MIB2: variants seen among roughly 807,000 people sequenced by gnomAD.
MIB2 encodes E3 ubiquitin-protein ligase MIB2.
Under a neutral mutation model 96.6 loss-of-function variants are expected in MIB2, and 78 were observed. That is an observed-to-expected ratio of 0.81 (90% confidence interval 0.67 to 0.97). The LOEUF (loss-of-function observed/expected upper bound fraction) is 0.97, where lower values mean the gene tolerates loss of function less well. Ranked by LOEUF, MIB2 falls within the 50% of genes least tolerant of loss-of-function variation. MIB2 has a pLI of 0.00. For synonymous variants in MIB2, 820 were observed against 629.5 expected (o/e 1.30, Z -4.53); for missense variants, 1,543 against 1,424.0 (o/e 1.08, Z -1.35).
rs1449578118 is a variant in MIB2 at position 1,628,686 on chromosome 1, C to G, written c.2166C>G (p.Ala722=). ...HQLLPLVADG[A]GGDPGPLQLL... is the part of the protein sequence containing the mutation. ...TGCTGCCCCTGGTGGCTGATGGGGC[C>G]GGGGGGGACCCAGGGCCCTTGCAGC... is the stretch of plus-strand genomic sequence containing the variant. Residue 722 remains alanine, a synonymous_variant, in exon 16 of 20, where the codon GCC becomes GCG. Coordinates refer to ENST00000355826, the MANE Select transcript of MIB2 (RefSeq NM_001170687.4). 1.9e-6 allele frequency: 3 copies of G among 1,570,014 alleles called. No individual in the cohort carries two copies. Among genetic ancestry groups the G allele is most frequent in the Non-Finnish European group, 2.6e-6 (3 of 1,159,762 alleles).
chr1:1,626,768 C>T lies in MIB2; in HGVS notation c.1077+14C>T. ...GACATGGCCCCTGTGAGTCCCCCTG[C>T]CACCCCCGCCGCTAGCGCCGCTGCC... On this transcript the variant is annotated intron_variant, in intron 9 of 19. Transcript: ENST00000355826. This position sits in a 1 kb window ranked among gnomAD's most constrained non-coding sequence, Gnocchi z 5.3. 1 of 1,547,794 alleles carries T rather than the reference C, an allele frequency of 6.5e-7. No individual in the cohort carries two copies. The highest frequency in any genetic ancestry group is 8.7e-7 in the Non-Finnish European group (1 of 1,149,046).
chr1:1,627,284 C>G lies in MIB2; in HGVS notation c.1375-12C>G, dbSNP rs1644880367. 1 of 1,613,084 alleles carries G rather than the reference C, an allele frequency of 6.2e-7. No individual in the cohort carries two copies. The highest frequency in any genetic ancestry group is 1.3e-5 in the African/African-American group (1 of 74,924). ...AGAGGGCCAGGGACTCACCTGCTGG[C>G]ACTCTTGGCAGGTGGACACCAAGAA... is the stretch of plus-strand genomic sequence containing the variant. On this transcript the variant is annotated splice_polypyrimidine_tract_variant and intron_variant, in intron 11 of 19. Transcript: ENST00000355826.
In MIB2 at chr1:1,630,308, G is replaced by T; in HGVS notation, c.2646G>T (p.Ala882=). Residue 882 remains alanine (A), a synonymous_variant, in exon 20 of 20, where the codon GCG becomes GCT. Transcript: ENST00000355826. The part of the protein sequence containing the change: ...KKLRPDGSEV[A]SAAPAPGPPR... ...ACCCCGCAGACGGCTCTGAGGTGGC[G>T]AGCGCCGCCCCCGCCCCCGGCCCGC... 1.3e-6 allele frequency: 2 copies of T among 1,519,400 alleles called. No individual in the cohort carries two copies. The highest frequency in any genetic ancestry group is 8.8e-7 in the Non-Finnish European group (1 of 1,140,964). 94.1% of individuals were successfully genotyped at this position (1,519,400 alleles called of 1,614,324 possible).
chr1:1,628,349 C>T lies in MIB2; in HGVS notation c.1918C>T (p.Leu640=), dbSNP rs1645014744. ...GGAGGACGGCTTCACGGCGCTGCAT[C>T]TGGCTGCCCTCAACAACCACCGCGA... ...KKEDGFTALH[L]AALNNHREVA... is the part of the protein sequence containing the mutation. The change falls in exon 15 of 20, where the codon CTG becomes TTG. Residue 640 remains leucine (L), a synonymous_variant. Coordinates refer to ENST00000355826, the MANE Select transcript of MIB2 (RefSeq NM_001170687.4). 1.2e-6 allele frequency: 2 copies of T among 1,612,826 alleles called. No homozygotes were observed. Among genetic ancestry groups the T allele is most frequent in the African/African-American group, 2.7e-5 (2 of 75,056 alleles).
chr1:1,630,215 C>T, intron 19 of MIB2, 77 bp from the exon 20 acceptor site: 1 of 266,326 alleles, frequency 3.8e-6, no homozygotes. Context: ...CGCCCCCAGC[C>T]TCGCCCCCCC....
upstream of MIB2, chr1:1,615,142 G>A (rs943617559): frequency 1.6e-4 from 59 of 374,988 alleles, 3 homozygotes; most frequent in South Asian, 1.8e-3. Flanking sequence ...CCCGGGGCGG[G>A]AGGACGGGCC....
chr1:1,628,033 C>G lies in MIB2; in HGVS notation c.1695C>G (p.Asp565Glu). The G allele has an allele frequency of 4.3e-6, 7 of 1,612,918 alleles. No homozygotes were observed. Among genetic ancestry groups the G allele is most frequent in the Non-Finnish European group, 5.9e-6 (7 of 1,179,846 alleles). Residue 565 changes from aspartate to glutamate, a missense_variant, in exon 14 of 20, where the codon GAC (aspartate) becomes GAG (glutamate). Physicochemically the swap from Asp to Glu is conservative, Grantham distance 45. Coordinates refer to ENST00000355826, the MANE Select transcript of MIB2 (RefSeq NM_001170687.4). ...CGCCCCAGCAGGACGCCCACTCGGA[C>G]ACGCCCCTGCACTCCGCCATCTCGG... ...CDVNLPDAHS[D>E]TPLHSAISAG... is the part of the protein sequence containing the mutation.
intron 15 of MIB2, 21 bp downstream of exon 15, chr1:1,628,420 T>C (rs1645022849): frequency 6.2e-7 from 1 of 1,607,396 alleles, no homozygotes; most frequent in African/African-American, 1.3e-5. Context: ...GGCCCAGTCC[T>C]GCCCAAGGAC....
rs564754621 is a variant in MIB2, at chr1:1,628,692, G to A, written c.2172G>A (p.Gly724=). The A allele has an allele frequency of 1.6e-4, 248 of 1,566,156 alleles. 7 individuals carry two copies. The highest frequency in any genetic ancestry group is 7.6e-4 in the South Asian group (65 of 86,090). The change falls in exon 16 of 20, where the codon GGG becomes GGA. Residue 724 remains glycine, a synonymous_variant. Transcript: ENST00000355826. ...CCCTGGTGGCTGATGGGGCCGGGGG[G>A]GACCCAGGGCCCTTGCAGCTGCTGT... ...LLPLVADGAG[G]DPGPLQLLSR...
rs528667012 is a variant in MIB2, at chr1:1,622,618, C to T, written c.-22-813C>T. Among the ~76,000 whole-genome samples the T allele has an allele frequency of 2.1e-4, 32 of 152,304 alleles. 1 individual carries two copies. The highest frequency in any genetic ancestry group is 5.8e-4 in the African/African-American group (24 of 41,574). Reference sequence around the variant, plus strand: ...GAGCTCTGGCTTGTGCTCTGTGTGGCGAGTGGGTCCCTGCTTGGTTGGGAC... The same window carrying T: ...GAGCTCTGGCTTGTGCTCTGTGTGGTGAGTGGGTCCCTGCTTGGTTGGGAC... On this transcript the variant is annotated intron_variant, in intron 2 of 19. Transcript: ENST00000355826.
At chr1:1,615,049 A>G (rs1049178566), upstream of MIB2, 3 of 179,248 alleles carry the variant, frequency 1.7e-5, no homozygotes, top group Admixed American at 1.3e-4. Flanking sequence ...AAGAAATGAG[A>G]AACTAGCAGT....
At chr1:1,615,405 C>A (rs1570447370), upstream of MIB2, 1 of 1,457,492 alleles carries the variant, frequency 6.9e-7, no homozygotes, top group East Asian at 2.7e-5. Context: ...CAGACGCTCC[C>A]GCGTGACGCA....
chr1:1,627,092 T>G lies in MIB2; in HGVS notation c.1259T>G (p.Leu420Arg). ...RENKSSLSVA[L>R]DKLRAQKSDP... is the part of the protein sequence containing the mutation. ...CCCCCAGGCTCACTGAGCGTGGCCC[T>G]GGACAAGCTTCGGGCCCAGAAGAGT... is the stretch of plus-strand genomic sequence containing the variant. The change falls in exon 11 of 20, where the codon CTG becomes CGG. Residue 420 changes from leucine (L) to arginine (R), a missense_variant. Physicochemically the swap from Leu to Arg is moderately radical, Grantham distance 102. Transcript: ENST00000355826. 1 of 1,600,224 alleles carries G rather than the reference T, an allele frequency of 6.2e-7. No individual in the cohort carries two copies. The highest frequency in any genetic ancestry group is 1.1e-5 in the South Asian group (1 of 89,480).
chr1:1,629,744 G>A, intron 19 of MIB2, 40 bp downstream of exon 19: 3 of 1,532,524 alleles, frequency 2.0e-6, no homozygotes, highest in Non-Finnish European at 1.8e-6. Flanking sequence ...CTCCTGCTCA[G>A]CTGGTGGCCC....
At position 1,627,447 on chromosome 1, in the gene MIB2, G is replaced by A. The variant is rs1231112202; in HGVS notation, c.1523+3G>A. The A allele has an allele frequency of 1.9e-6, 3 of 1,602,536 alleles. No homozygotes were observed. Among genetic ancestry groups the A allele is most frequent in the Admixed American group, 1.7e-5 (1 of 59,592 alleles). On this transcript the variant is annotated splice_donor_region_variant and intron_variant, in intron 12 of 19. Transcript: ENST00000355826. Reference sequence around the variant, plus strand: ...GCACTGCACTACGCGGCCCTGGGGTGAGGCCTGGGAGGGGCCCGGCCGGCG... The same window carrying A: ...GCACTGCACTACGCGGCCCTGGGGTAAGGCCTGGGAGGGGCCCGGCCGGCG...
Position 1,627,314 on chromosome 1 carries a change from G to C in MIB2, c.1393G>C (p.Gly465Arg). ...RPEQVDTKNQ[G>R]RTALQVAAYL... Reference sequence around the variant, plus strand: ...TTGGCAGGTGGACACCAAGAACCAAGGCAGGACCGCTCTGCAAGTGGCTGC... The same window carrying C: ...TTGGCAGGTGGACACCAAGAACCAACGCAGGACCGCTCTGCAAGTGGCTGC... The change falls in exon 12 of 20, where the codon GGC (glycine) becomes CGC (arginine). Residue 465 changes from glycine to arginine, a missense_variant. Coordinates refer to ENST00000355826, the MANE Select transcript of MIB2 (RefSeq NM_001170687.4). The C allele has an allele frequency of 1.9e-6, 3 of 1,613,228 alleles. No individual in the cohort carries two copies. The highest frequency in any genetic ancestry group is 2.5e-6 in the Non-Finnish European group (3 of 1,179,976).
chr1:1,616,628 C>G lies in MIB2; in HGVS notation c.-23+14C>G, dbSNP rs572309456. 1.3e-6 allele frequency: 2 copies of G among 1,567,070 alleles called. No homozygotes were observed. Among genetic ancestry groups the G allele is most frequent in the African/African-American group, 2.7e-5 (2 of 73,156 alleles). Reference sequence around the variant, plus strand: ...ACGGCCGGACAGGTGAGCTCTTGATCGTCCGCGGCCTGATAGTTTGCACTT... The same window carrying G: ...ACGGCCGGACAGGTGAGCTCTTGATGGTCCGCGGCCTGATAGTTTGCACTT... On this transcript the variant is annotated intron_variant, in intron 2 of 19. Coordinates refer to ENST00000355826, the MANE Select transcript of MIB2 (RefSeq NM_001170687.4).
Position 1,629,124 on chromosome 1 carries a change from G to A in MIB2, c.2203-9G>A. 2 of 1,478,084 alleles carry A rather than the reference G, an allele frequency of 1.4e-6. No individual in the cohort carries two copies. The highest frequency in any genetic ancestry group is 2.6e-5 in the South Asian group (2 of 77,242). 91.6% of individuals were successfully genotyped at this position (1,478,084 alleles called of 1,614,324 possible). A position where few individuals can be genotyped will look rare whatever the true frequency, so the allele number is the denominator to read the frequency against. On this transcript the variant is annotated splice_polypyrimidine_tract_variant and intron_variant, in intron 16 of 19. Transcript: ENST00000355826. ...GCCCGCCCTCACCGGCGTCTGTCCT[G>A]CCGCCCAGCTACAGGCCTCGGGCCT...
chr1:1,630,378 G>A lies in MIB2; in HGVS notation c.2716G>A (p.Glu906Lys), dbSNP rs1196403210. 6.4e-7 allele frequency: 1 copy of A among 1,553,298 alleles called. No homozygotes were observed. Among genetic ancestry groups the A allele is most frequent in the Non-Finnish European group, 8.7e-7 (1 of 1,150,682 alleles). Residue 906 changes from glutamate (E) to lysine (K), a missense_variant, in exon 20 of 20, where the codon GAG becomes AAG. By Grantham distance (56) the Glu-to-Lys change is moderately conservative. Coordinates refer to ENST00000355826, the MANE Select transcript of MIB2 (RefSeq NM_001170687.4). ...GCTGCAGAGCCGCTACCGGCAGATGGAGGAACGCATCACCTGCCCCATCTG... is the reference window on the plus strand; with the variant it reads ...GCTGCAGAGCCGCTACCGGCAGATGAAGGAACGCATCACCTGCCCCATCTG... ...EELQSRYRQM[E>K]ERITCPICID...
Sources: allele counts gnomAD v4.1 joint callset (sites outside exome capture counted in the v4.1 genomes callset), GRCh38; gene constraint gnomAD v4.1.1; non-coding constraint Gnocchi (gnomAD v3.1); transcripts MANE v1.5; gene names NCBI Gene and HGNC (gene_info 2026-07-23, HGNC 2026-07-21).